Variants in ABTB3 observed in about 807,000 individuals in gnomAD.
ABTB3 encodes ankyrin repeat and BTB domain containing 3.
chr12:107,404,670 C>A, the ABTB3 span, among the ~76,000 whole-genome samples: 23 of 152,072 alleles, frequency 1.5e-4, no homozygotes, highest in Non-Finnish European at 3.1e-4. Context: ...GGTTTTCTAC[C>A]GGTTTGGGGA....
chr12:107,405,267 C>T, the ABTB3 span, among the ~76,000 whole-genome samples: 24,679 of 152,006 alleles, frequency 0.16, 3,902 homozygotes, highest in East Asian at 0.42. Flanking sequence ...ACAACCAAAA[C>T]GGTGGCCGGG....
chr12:107,568,817 A>G, the ABTB3 span, among the ~76,000 whole-genome samples: 2 of 150,674 alleles, frequency 1.3e-5, no homozygotes, highest in Non-Finnish European at 3.0e-5. Context: ...CCACCCGTGA[A>G]GACACCGAAG....
chr12:107,379,884 A>T, the ABTB3 span, among the ~76,000 whole-genome samples: 862 of 152,262 alleles, frequency 5.7e-3, 14 homozygotes, highest in African/African-American at 0.02. Context: ...GATCAGGTTG[A>T]TTTATCTGGG....
At chr12:107,481,914 T>TCTCTCTCTCTCTCC in the ABTB3 span, among the ~76,000 whole-genome samples, 1 of 151,190 alleles carries the variant, frequency 6.6e-6, no homozygotes, top group South Asian at 2.1e-4. Flanking sequence ...TCTCTCTCTC[T>TCTCTCTCTCTCTCC]CTCTCTCTCT....
the ABTB3 span, among the ~76,000 whole-genome samples, chr12:107,326,434 T>A: frequency 6.6e-6 from 1 of 152,190 alleles, no homozygotes; most frequent in Non-Finnish European, 1.5e-5. Context: ...AGGGAGACAG[T>A]GAGTGTGGAG....
At chr12:107,432,788 T>G in the ABTB3 span, among the ~76,000 whole-genome samples, 2 of 152,302 alleles carry the variant, frequency 1.3e-5, no homozygotes, top group Admixed American at 6.5e-5. Flanking sequence ...AGAATCTGTA[T>G]AGGAGAGGCT....
the ABTB3 span, among the ~76,000 whole-genome samples, chr12:107,491,833 A>C: frequency 3.0e-4 from 45 of 151,982 alleles, no homozygotes; most frequent in Non-Finnish European, 2.6e-4. Flanking sequence ...AAAAAAAAAA[A>C]AAAAAAAAAC....
At chr12:107,426,911 G>A in the ABTB3 span, among the ~76,000 whole-genome samples, 2 of 152,084 alleles carry the variant, frequency 1.3e-5, no homozygotes, top group Non-Finnish European at 2.9e-5. Flanking sequence ...CATCACCTGT[G>A]ACCTGGCAGT....
chr12:107,511,469 T>C, the ABTB3 span, among the ~76,000 whole-genome samples: 2 of 152,122 alleles, frequency 1.3e-5, no homozygotes, highest in African/African-American at 4.8e-5. Context: ...CTCTCTTACA[T>C]TTTTAGGAGT....
the ABTB3 span, among the ~76,000 whole-genome samples, chr12:107,523,917 A>G: frequency 6.6e-6 from 1 of 152,192 alleles, no homozygotes; most frequent in Non-Finnish European, 1.5e-5. Flanking sequence ...TGGCCCACAC[A>G]CACTGTCCCT....
At chr12:107,560,117 C>A in the ABTB3 span, among the ~76,000 whole-genome samples, 3 of 152,084 alleles carry the variant, frequency 2.0e-5, no homozygotes, top group African/African-American at 7.2e-5. Flanking sequence ...TACTATAGAA[C>A]ATTCATAAAC....
the ABTB3 span, among the ~76,000 whole-genome samples, chr12:107,351,831 A>G: frequency 4.6e-5 from 7 of 152,146 alleles, no homozygotes; most frequent in Non-Finnish European, 8.8e-5. Context: ...CCCTCTCCCA[A>G]TTAATATCTG....
At chr12:107,453,838 G>A in the ABTB3 span, among the ~76,000 whole-genome samples, 1 of 152,174 alleles carries the variant, frequency 6.6e-6, no homozygotes, top group African/African-American at 2.4e-5. Flanking sequence ...ACAGATTGGA[G>A]CAAAATTTTG....
chr12:107,618,381 C>A, the ABTB3 span: 1 of 1,609,096 alleles, frequency 6.2e-7, no homozygotes, highest in South Asian at 1.1e-5. Context: ...GAGCATAGGT[C>A]AGTCTGGGCA....
the ABTB3 span, among the ~76,000 whole-genome samples, chr12:107,431,716 C>T: frequency 6.6e-6 from 1 of 152,314 alleles, no homozygotes; most frequent in South Asian, 2.1e-4. Flanking sequence ...GGCCATGTGG[C>T]CAAATACATC....
chr12:107,402,908 G>A, the ABTB3 span, among the ~76,000 whole-genome samples: 4 of 152,178 alleles, frequency 2.6e-5, no homozygotes, highest in Non-Finnish European at 5.9e-5. Context: ...TTTTGAGTCT[G>A]TCCTGCTGCT....
chr12:107,529,547 A>G, the ABTB3 span, among the ~76,000 whole-genome samples: 1 of 152,134 alleles, frequency 6.6e-6, no homozygotes, highest in Non-Finnish European at 1.5e-5. Context: ...AATATACCAG[A>G]CTCTGTTCCA....
At chr12:107,374,863 T>C in the ABTB3 span, 2 of 152,636 alleles carry the variant, frequency 1.3e-5, no homozygotes, top group Non-Finnish European at 2.9e-5. Flanking sequence ...GGAGTAGCTT[T>C]CCTCTACAAT....
chr12:107,394,467 G>T, the ABTB3 span, among the ~76,000 whole-genome samples: 3 of 152,286 alleles, frequency 2.0e-5, no homozygotes, highest in Non-Finnish European at 4.4e-5. Context: ...TGGCATCCCT[G>T]CTTTAAGACC....
Sources: gnomAD v4.1 joint callset for allele counts (sites outside exome capture counted in the v4.1 genomes callset) on GRCh38, gnomAD v4.1.1 for gene constraint, MANE v1.5 for transcripts, NCBI Gene and HGNC (gene_info 2026-07-23, HGNC 2026-07-21) for gene names.